KLK11: variants seen among roughly 807,000 people sequenced by gnomAD.
KLK11 encodes kallikrein related peptidase 11.
In KLK11, 10 loss-of-function variants were observed where a neutral mutation model predicts 23.4. That is an observed-to-expected ratio of 0.43 (90% confidence interval 0.26 to 0.73). The LOEUF (loss-of-function observed/expected upper bound fraction) is 0.73, where lower values mean the gene tolerates loss of function less well. KLK11 is among the 30% of genes least tolerant of loss of function. The pLI is 0.22. For missense variants in KLK11, 285 were observed against 327.8 expected, an observed-to-expected ratio of 0.87 and a Z score of 1.01; for synonymous variants, 131 against 131.7, an observed-to-expected ratio of 0.99 and a Z score of 0.03.
rs1038542480 is a variant in KLK11 at position 51,023,225 on chromosome 19, C to T, written c.467G>A (p.Arg156His). The T allele has an allele frequency of 5.0e-6, 8 of 1,612,250 alleles. No homozygotes were observed. Among genetic ancestry groups the T allele is most frequent in the Admixed American group, 1.7e-5 (1 of 59,872 alleles). ...GWGSTSSPQL[R>H]LPHTLRCANI... is the part of the protein sequence containing the mutation. ...GGCGCATCGCAAGGTGTGAGGCAGG[C>T]GTACTGTGGAAACAGCGTGAGGGGC... is the stretch of plus-strand genomic sequence containing the variant. The change falls in exon 5 of 6, where the codon CGC becomes CAC. Residue 156 changes from arginine to histidine, a missense_variant. Arg to His is a conservative substitution (Grantham distance 29, BLOSUM62 0). Coordinates refer to ENST00000453757, the MANE Select transcript of KLK11 (RefSeq NM_001136032.3).
Position 51,025,437 on chromosome 19 carries a change from G to A in KLK11, c.40+155C>T, listed in dbSNP as rs961333493. Among the ~76,000 whole-genome samples the A allele has an allele frequency of 6.6e-6, 1 of 152,098 alleles. No individual in the cohort carries two copies. ...GGCATTTAAAGGGATTATCTAGAAG[G>A]GCATCCAGGCCCTCATGACCACTGC... On this transcript the variant is annotated intron_variant, in intron 2 of 5. Coordinates refer to ENST00000453757, the MANE Select transcript of KLK11 (RefSeq NM_001136032.3). This position sits in a 1 kb window ranked among gnomAD's most constrained non-coding sequence, Gnocchi z 6.2.
chr19:51,024,851 G>A lies in KLK11; in HGVS notation c.41-57C>T, dbSNP rs890523162. 2.0e-6 allele frequency: 3 copies of A among 1,464,472 alleles called. No individual in the cohort carries two copies. Among genetic ancestry groups the A allele is most frequent in the Non-Finnish European group, 2.7e-6 (3 of 1,105,360 alleles). 90.7% of individuals were successfully genotyped at this position (1,464,472 alleles called of 1,614,324 possible). ...AGGAAGGAGAGGTGGTAGACCAGGA[G>A]GACTCCCAGAAATGGGGGTGGGGAG... is the stretch of plus-strand genomic sequence containing the variant. On this transcript the variant is annotated intron_variant, in intron 2 of 5. Coordinates refer to ENST00000453757, the MANE Select transcript of KLK11 (RefSeq NM_001136032.3). This position sits in a 1 kb window ranked among gnomAD's most constrained non-coding sequence, Gnocchi z 6.2.
At position 51,024,453 on chromosome 19, in the gene KLK11, C is replaced by T. The variant is rs1294396674; in HGVS notation, c.198-143G>A. 19 of 1,397,926 alleles carry T rather than the reference C, an allele frequency of 1.4e-5. No individual in the cohort carries two copies. The highest frequency in any genetic ancestry group is 1.8e-5 in the Non-Finnish European group (19 of 1,042,570). 86.6% of individuals were successfully genotyped at this position (1,397,926 alleles called of 1,614,324 possible). ...CTCCCACCGAAGCCCCCTTCCCAGCCATAGCCCCATCCCAACCCCATTCAT... is the reference window on the plus strand; with the variant it reads ...CTCCCACCGAAGCCCCCTTCCCAGCTATAGCCCCATCCCAACCCCATTCAT... On this transcript the variant is annotated intron_variant, in intron 3 of 5. Transcript: ENST00000453757. The surrounding 1 kb of genome is among the most constrained non-coding windows in gnomAD (Gnocchi z 6.2).
chr19:51,022,770 C>T (rs2091420713), intron 5 of KLK11, 73 bp from the exon 6 acceptor site: 6 of 1,558,692 alleles, frequency 3.8e-6, no homozygotes, highest in East Asian at 2.2e-5. Flanking sequence ...GAGGTGGGGA[C>T]GGTGCTTAGG....
chr19:51,026,291 C>A (rs1392370135), intron 1 of KLK11, among the ~76,000 whole-genome samples: 2 of 151,964 alleles, frequency 1.3e-5, no homozygotes, highest in African/African-American at 4.8e-5. Context: ...CCAGTGCCCT[C>A]CGCTGCCCTG....
Position 51,025,702 on chromosome 19 carries a change from T to A in KLK11, c.-35-36A>T. The A allele has an allele frequency of 9.5e-7, 1 of 1,051,806 alleles. No homozygotes were observed. The highest frequency in any genetic ancestry group is 1.4e-6 in the Non-Finnish European group (1 of 726,806). The allele number at this position is 1,051,806 out of a possible 1,614,324, so 65.2% of individuals were successfully genotyped here. A position where few individuals can be genotyped will look rare whatever the true frequency, so the allele number is the denominator to read the frequency against. ...GGAGGGACATGGGGCCGCATCACTTTACGGGGAAATCGGGAGGGGGGGGCT... is the reference window on the plus strand; with the variant it reads ...GGAGGGACATGGGGCCGCATCACTTAACGGGGAAATCGGGAGGGGGGGGCT... On this transcript the variant is annotated intron_variant, in intron 1 of 5. Transcript: ENST00000453757. The surrounding 1 kb of genome is among the most constrained non-coding windows in gnomAD (Gnocchi z 6.2).
rs1256431854 is a variant in KLK11 at position 51,025,517 on chromosome 19, G to A, written c.40+75C>T. Reference sequence around the variant, plus strand: ...GTAATTTGGAATCAGCCCTGTCACTGTCCAGACACAGAGGGTTAGGGGATC... The same window carrying A: ...GTAATTTGGAATCAGCCCTGTCACTATCCAGACACAGAGGGTTAGGGGATC... On this transcript the variant is annotated intron_variant, in intron 2 of 5. Coordinates refer to ENST00000453757, the MANE Select transcript of KLK11 (RefSeq NM_001136032.3). This position sits in a 1 kb window ranked among gnomAD's most constrained non-coding sequence, Gnocchi z 6.2. 9.7e-7 allele frequency: 1 copy of A among 1,026,448 alleles called. No homozygotes were observed. The highest frequency in any genetic ancestry group is 1.4e-6 in the Non-Finnish European group (1 of 713,414). The allele number at this position is 1,026,448 out of a possible 1,614,324, so 63.6% of individuals were successfully genotyped here.
At position 51,025,924 on chromosome 19, in the gene KLK11, T is replaced by C; in HGVS notation, c.-35-258A>G. On this transcript the variant is annotated intron_variant, in intron 1 of 5. Coordinates refer to ENST00000453757, the MANE Select transcript of KLK11 (RefSeq NM_001136032.3). The surrounding 1 kb of genome is among the most constrained non-coding windows in gnomAD (Gnocchi z 6.2). ...GATACCAAGAACCATGTGGAAGTCG[T>C]TGGGAGGGGCTTTGAGCTGTCAAGC... 3.1e-6 allele frequency: 1 copy of C among 324,008 alleles called. No homozygotes were observed. The highest frequency in any genetic ancestry group is 5.6e-6 in the Non-Finnish European group (1 of 177,530). The allele number at this position is 324,008 out of a possible 1,614,324, so 20.1% of individuals were successfully genotyped here.
upstream of KLK11, chr19:51,027,432 A>C (rs1475032747): frequency 8.1e-6 from 13 of 1,612,676 alleles, no homozygotes; most frequent in Non-Finnish European, 1.1e-5. Context: ...CCGCCCAGGC[A>C]GCCCGAGTCC....
intron 4 of KLK11, 90 bp from the exon 5 acceptor site, chr19:51,023,318 C>A: frequency 6.6e-7 from 1 of 1,507,926 alleles, no homozygotes; most frequent in Admixed American, 2.0e-5. Context: ...CTGGGGGAAT[C>A]CCTGTCCTTA....
upstream of KLK11, chr19:51,027,367 GGCTCCTCTGGGGCCTC>G (rs1280608321): frequency 1.1e-5 from 14 of 1,325,108 alleles, no homozygotes; most frequent in East Asian, 3.0e-4. Flanking sequence ...TCCACCCCAG[GGCTCCTCTGGGGCCTC>G]GCTCCTCTGC....
Position 51,026,219 on chromosome 19 carries a change from C to G in KLK11, c.-36+319G>C, listed in dbSNP as rs117191469. 2.3e-3 allele frequency among the ~76,000 whole-genome samples: 345 copies of G among 152,172 alleles called. 3 individuals carry two copies. Among genetic ancestry groups the G allele is most frequent in the East Asian group, 0.013 (67 of 5,124 alleles). Reference sequence around the variant, plus strand: ...CCCGGCTTGCTGAAGCCCTGTCCGCCAAACCCCTGCCCTTTTGAAGGACAG... The same window carrying G: ...CCCGGCTTGCTGAAGCCCTGTCCGCGAAACCCCTGCCCTTTTGAAGGACAG... On this transcript the variant is annotated intron_variant, in intron 1 of 5. Transcript: ENST00000453757.
intron 5 of KLK11, 111 bp downstream of exon 5, chr19:51,022,981 G>T: frequency 8.4e-7 from 1 of 1,188,728 alleles, no homozygotes; most frequent in Non-Finnish European, 1.2e-6. Context: ...GAGATGGATT[G>T]GGAGTTGCAG....
At position 51,022,629 on chromosome 19, in the gene KLK11, C is replaced by G. The variant is rs542875015; in HGVS notation, c.669G>C (p.Pro223=). The G allele has an allele frequency of 6.2e-7, 1 of 1,613,726 alleles. No homozygotes were observed. The highest frequency in any genetic ancestry group is 8.5e-7 in the Non-Finnish European group (1 of 1,180,008). ...LQGIISWGQD[P]CAITRKPGVY... is the part of the protein sequence containing the mutation. ...CACCAGGCTTTCGGGTGATCGCACACGGATCCTGGCCCCAGGAGATAATGC... is the reference window on the plus strand; with the variant it reads ...CACCAGGCTTTCGGGTGATCGCACAGGGATCCTGGCCCCAGGAGATAATGC... The change falls in exon 6 of 6, where the codon CCG becomes CCC. Residue 223 remains proline, a synonymous_variant. Coordinates refer to ENST00000453757, the MANE Select transcript of KLK11 (RefSeq NM_001136032.3).
In KLK11 at chr19:51,025,763, C is replaced by T. The variant is rs1052589727; in HGVS notation, c.-35-97G>A. ...CTCTCCTCTCTCCCTCACCTGCTCC[C>T]GCTCCCCACTTGGGAGAAACAAGGT... On this transcript the variant is annotated intron_variant, in intron 1 of 5. Transcript: ENST00000453757. The surrounding 1 kb of genome is among the most constrained non-coding windows in gnomAD (Gnocchi z 6.2). The T allele has an allele frequency of 7.5e-6, 4 of 533,816 alleles. No homozygotes were observed. The highest frequency in any genetic ancestry group is 3.3e-5 in the East Asian group (1 of 29,868). 33.1% of individuals were successfully genotyped at this position (533,816 alleles called of 1,614,324 possible). A position where few individuals can be genotyped will look rare whatever the true frequency, so the allele number is the denominator to read the frequency against.
chr19:51,023,695 T>A (rs2091435444), intron 4 of KLK11: 1 of 233,298 alleles, frequency 4.3e-6, no homozygotes, highest in African/African-American at 2.3e-5. Context: ...TGCTATCCAA[T>A]AAATGATTTA....
At chr19:51,027,292 G>T (rs943382206), upstream of KLK11, 97 of 685,114 alleles carry the variant, frequency 1.4e-4, 1 homozygote, top group African/African-American at 1.6e-3. Context: ...ACCGGAGGGT[G>T]GGGGAGGCAG....
chr19:51,027,648 A>T, upstream of KLK11: 1 of 1,042,716 alleles, frequency 9.6e-7, no homozygotes, highest in Non-Finnish European at 1.4e-6. Flanking sequence ...CTAGGTTCTG[A>T]CAGCAGCCAG....
At chr19:51,027,436 C>T (rs778105133), upstream of KLK11, 5 of 1,613,124 alleles carry the variant, frequency 3.1e-6, no homozygotes, top group Admixed American at 3.3e-5. Flanking sequence ...CCAGGCAGCC[C>T]GAGTCCAGCT....
Sources: gnomAD v4.1 joint callset for allele counts (sites outside exome capture counted in the v4.1 genomes callset) on GRCh38, gnomAD v4.1.1 for gene constraint, Gnocchi (gnomAD v3.1) non-coding constraint, MANE v1.5 for transcripts, NCBI Gene and HGNC (gene_info 2026-07-23, HGNC 2026-07-21) for gene names.